Variants in KCNQ1 observed in about 807,000 individuals in gnomAD.
The protein encoded by KCNQ1 is potassium voltage-gated channel subfamily Q member 1.
A neutral mutation model predicts 72.4 loss-of-function variants in KCNQ1; 49 were observed. The ratio of observed to expected loss-of-function variants is 0.68; its 90% CI spans 0.54 to 0.86. KCNQ1 has a LOEUF of 0.86. Ranked by LOEUF, KCNQ1 falls within the 40% of genes least tolerant of loss-of-function variation. The pLI, the probability that KCNQ1 is intolerant of heterozygous loss-of-function variation, is 0.00. For synonymous variants in KCNQ1, 450 were observed against 412.6 expected (o/e 1.09, Z -1.10); for missense variants, 790 against 945.1 (o/e 0.84, Z 2.15).
At chr11:2,649,540 T>A in intron 10 of KCNQ1, 2 of 398,572 alleles carry the variant, frequency 5.0e-6, no homozygotes, top group East Asian at 7.1e-5. Context: ...TCTGCTTCAT[T>A]TCTGAAGGAT....
In KCNQ1 at chr11:2,445,326, C is replaced by T. The variant is rs2522020; in HGVS notation, c.228C>T (p.Ala76=). ...CCGCGCCCGCCGCGCCCCCAGTTGC[C>T]TCCGACCTTGGCCCGCGGCCGCCGG... ...SPAAPAAPPV[A]SDLGPRPPVS... The change falls in exon 1 of 16, where the codon GCC becomes GCT. Residue 76 remains alanine (A), a synonymous_variant. Coordinates refer to ENST00000155840, the MANE Select transcript of KCNQ1 (RefSeq NM_000218.3). 17 of 1,577,590 alleles carry T rather than the reference C, an allele frequency of 1.1e-5. No homozygotes were observed. The East Asian group carries it at 3.7e-4, about 34-fold the overall frequency.
intron 10 of KCNQ1, chr11:2,649,774 G>T (rs924355302): frequency 5.0e-6 from 2 of 398,344 alleles, no homozygotes; most frequent in Non-Finnish European, 8.8e-6. Flanking sequence ...CCTCAGAGAG[G>T]CCCTTTTAGG....
At position 2,797,194 on chromosome 11, in the gene KCNQ1, G is replaced by A. The variant is rs113665113; in HGVS notation, c.1794+19157G>A. On this transcript the variant is annotated intron_variant, in intron 15 of 15. Transcript: ENST00000155840. ...GGCGGGGGGGAGGCCCTGTGAAGAG[G>A]AGGACAGTGCTGGGGGCTGGGCCAC... Among the ~76,000 whole-genome samples, 1,064 of 152,278 alleles carry A rather than the reference G, an allele frequency of 7.0e-3. 14 individuals are homozygous for A. The highest frequency in any genetic ancestry group is 0.024 in the African/African-American group (1,007 of 41,566).
chr11:2,781,421 G>A lies in KCNQ1; in HGVS notation c.1794+3384G>A, dbSNP rs1249786705. ...CTGAGGAGGGTTGAGGCCAGGGGCA[G>A]GCTGGGGGCACCAGCAGCAGGGCCC... On this transcript the variant is annotated intron_variant, in intron 15 of 15. Transcript: ENST00000155840. The surrounding 1 kb of genome is among the most constrained non-coding windows in gnomAD (Gnocchi z 6.6). Among the ~76,000 whole-genome samples, 1 of 152,196 alleles carries A rather than the reference G, an allele frequency of 6.6e-6. No individual in the cohort carries two copies. The highest frequency in any genetic ancestry group is 2.4e-5 in the African/African-American group (1 of 41,454).
At chr11:2,650,923 C>T (rs1269638427) in intron 10 of KCNQ1, 1 of 398,492 alleles carries the variant, frequency 2.5e-6, no homozygotes, top group Non-Finnish European at 4.4e-6. Flanking sequence ...GGCTGAAAGT[C>T]TTTTTTAAAT....
intron 1 of KCNQ1, among the ~76,000 whole-genome samples, chr11:2,448,174 A>C (rs1846072531): frequency 1.3e-5 from 2 of 152,180 alleles, no homozygotes; most frequent in Middle Eastern, 3.2e-3. Flanking sequence ...GTGGACATCC[A>C]GGTGGCATCT....
rs1243083717 is a variant in KCNQ1, at chr11:2,612,149, A to G, written c.1393+23295A>G. 1.3e-5 allele frequency: 5 copies of G among 398,632 alleles called. No homozygotes were observed. Among genetic ancestry groups the G allele is most frequent in the Non-Finnish European group, 2.2e-5 (5 of 226,066 alleles). 24.7% of individuals were successfully genotyped at this position (398,632 alleles called of 1,614,324 possible). On this transcript the variant is annotated intron_variant, in intron 10 of 15. Coordinates refer to ENST00000155840, the MANE Select transcript of KCNQ1 (RefSeq NM_000218.3). The surrounding 1 kb of genome is among the most constrained non-coding windows in gnomAD (Gnocchi z 5.5). ...CTGGTACCAGTCTGTGGCCTATTAG[A>G]AACTGGGCTACACAGCAGGAGGTGA...
intron 11 of KCNQ1, chr11:2,680,180 A>G (rs1850367979): frequency 7.6e-6 from 3 of 395,460 alleles, no homozygotes; most frequent in Non-Finnish European, 1.3e-5. Flanking sequence ...GCGTGAGCCA[A>G]TGCACCTGGC....
chr11:2,522,071 T>C (rs965729303), intron 1 of KCNQ1, among the ~76,000 whole-genome samples: 7 of 152,230 alleles, frequency 4.6e-5, no homozygotes, highest in Admixed American at 4.6e-4. Flanking sequence ...GTTGAAATGA[T>C]GTCGGATAAT....
At chr11:2,696,692 T>A (rs1358111819) in intron 11 of KCNQ1, 2 of 398,466 alleles carry the variant, frequency 5.0e-6, no homozygotes, top group Non-Finnish European at 8.8e-6. Context: ...TTCAAGAAAA[T>A]AAAATGTCTC....
At chr11:2,525,609 T>C (rs1028553458) in intron 1 of KCNQ1, among the ~76,000 whole-genome samples, 1 of 152,142 alleles carries the variant, frequency 6.6e-6, no homozygotes, top group Non-Finnish European at 1.5e-5. Flanking sequence ...CCAGGCAGCT[T>C]ATGCAGCCAG....
rs1850548622 is a variant in KCNQ1 at position 2,689,279 on chromosome 11, A to G, written c.1514+27198A>G. 7.5e-6 allele frequency: 3 copies of G among 398,670 alleles called. No individual in the cohort carries two copies. The East Asian group carries it at 1.1e-4, about 14-fold the overall frequency. The allele number at this position is 398,670 out of a possible 1,614,324, so 24.7% of individuals were successfully genotyped here. A position where few individuals can be genotyped will look rare whatever the true frequency, so the allele number is the denominator to read the frequency against. The stretch of plus-strand genomic sequence containing the variant: ...GACGTTCCTATCAGCCTTTGCACAG[A>G]TATCTCCCACTCCAACCCTAAGACT... On this transcript the variant is annotated intron_variant, in intron 11 of 15. Coordinates refer to ENST00000155840, the MANE Select transcript of KCNQ1 (RefSeq NM_000218.3).
rs571131493 is a variant in KCNQ1, at chr11:2,805,301, G to A, written c.1794+27264G>A. 2.0e-5 allele frequency among the ~76,000 whole-genome samples: 3 copies of A among 152,346 alleles called. No homozygotes were observed. The South Asian group carries it at 6.2e-4, about 32-fold the overall frequency. ...AGCTGCACAGGGCCCCTCCCTGCCT[G>A]CCCAAAGCTGCTACCAGACAGCAAG... On this transcript the variant is annotated intron_variant, in intron 15 of 15. Transcript: ENST00000155840.
At chr11:2,570,294 C>T (rs1040734524) in intron 2 of KCNQ1, among the ~76,000 whole-genome samples, 2 of 151,420 alleles carry the variant, frequency 1.3e-5, no homozygotes, top group Non-Finnish European at 2.9e-5. Flanking sequence ...CGTCGGACGC[C>T]CTCTGGCCCA....
chr11:2,723,789 G>GCCACT lies in KCNQ1; in HGVS notation c.1515-45053_1515-45049dup, dbSNP rs142975529. 2.1e-3 allele frequency among the ~76,000 whole-genome samples: 319 copies of GCCACT among 152,286 alleles called. 1 individual carries two copies. Among genetic ancestry groups the GCCACT allele is most frequent in the African/African-American group, 6.9e-3 (287 of 41,544 alleles). ...ACCGCTGGTGGCCGCAGGGTTCCCAGCCACTCGGTGCACATGTACTCCAGC... is the reference window on the plus strand; with the variant it reads ...ACCGCTGGTGGCCGCAGGGTTCCCAGCCACTCCACTCGGTGCACATGTACTCCAGC... On this transcript the variant is annotated intron_variant, in intron 11 of 15. Transcript: ENST00000155840. The surrounding 1 kb of genome is among the most constrained non-coding windows in gnomAD (Gnocchi z 4.2).
chr11:2,848,845 C>G lies in KCNQ1; in HGVS notation c.*842C>G. ...CTGAGCCGCAGAGAAGTGACGGTTC[C>G]TACACAGGACAGGGGTTCCTTCTGG... On this transcript the variant is annotated 3_prime_UTR_variant, in exon 16 of 16. Transcript: ENST00000155840. The G allele has an allele frequency of 2.2e-6, 1 of 454,160 alleles. No homozygotes were observed. Among genetic ancestry groups the G allele is most frequent in the South Asian group, 1.6e-5 (1 of 64,484 alleles). 28.1% of individuals were successfully genotyped at this position (454,160 alleles called of 1,614,324 possible). A position where few individuals can be genotyped will look rare whatever the true frequency, so the allele number is the denominator to read the frequency against.
At chr11:2,578,083 T>G (rs1307610309) in intron 6 of KCNQ1, among the ~76,000 whole-genome samples, 2 of 152,218 alleles carry the variant, frequency 1.3e-5, no homozygotes, top group Admixed American at 1.3e-4. Context: ...GGCTCTAGAC[T>G]GGGTCTCTAA....
rs1483395477 is a variant in KCNQ1 at position 2,813,938 on chromosome 11, G to A, written c.1795-33829G>A. 6.6e-6 allele frequency among the ~76,000 whole-genome samples: 1 copy of A among 152,030 alleles called. No individual in the cohort carries two copies. The highest frequency in any genetic ancestry group is 1.9e-4 in the East Asian group (1 of 5,180). ...TGGTTAGATGGATGAAGAGATAGAT[G>A]AATGGATAAAGAGGTGAAAGGATGA... On this transcript the variant is annotated intron_variant, in intron 15 of 15. Transcript: ENST00000155840. The surrounding 1 kb of genome is among the most constrained non-coding windows in gnomAD (Gnocchi z 4.4).
chr11:2,831,757 C>G (rs1268499327), intron 15 of KCNQ1, among the ~76,000 whole-genome samples: 1 of 150,534 alleles, frequency 6.6e-6, no homozygotes, highest in African/African-American at 2.5e-5. Flanking sequence ...CTCCGTTGCC[C>G]CCTCCTCCCT....
Sources: allele counts gnomAD v4.1 joint callset (sites outside exome capture counted in the v4.1 genomes callset), GRCh38; gene constraint gnomAD v4.1.1; non-coding constraint Gnocchi (gnomAD v3.1); transcripts MANE v1.5; gene names NCBI Gene and HGNC (gene_info 2026-07-23, HGNC 2026-07-21).